ADCY9: variants seen among roughly 807,000 people sequenced by gnomAD.
ADCY9 encodes adenylate cyclase 9.
A neutral mutation model predicts 101.5 loss-of-function variants in ADCY9; 50 were observed. The observed-to-expected ratio is 0.49, with a 90% CI of 0.39 to 0.62. The LOEUF is 0.62. Among genes scored for constraint, ADCY9 ranks in the 20% least tolerant of loss-of-function variants. ADCY9 has a pLI of 0.00. For missense variants in ADCY9, 1,662 were observed against 1,800.4 expected, an observed-to-expected ratio of 0.92 and a Z score of 1.39; for synonymous variants, 905 against 769.3, an observed-to-expected ratio of 1.18 and a Z score of -2.92.
chr16:4,018,749 C>T (rs1313947347), intron 2 of ADCY9, among the ~76,000 whole-genome samples: 1 of 152,134 alleles, frequency 6.6e-6, no homozygotes, highest in Non-Finnish European at 1.5e-5. Flanking sequence ...CAGAGGCTGA[C>T]AGTTTCCCAG....
chr16:3,980,281 A>T (rs76723104), intron 7 of ADCY9, among the ~76,000 whole-genome samples: 50,235 of 152,088 alleles, frequency 0.33, 9,466 homozygotes, highest in Middle Eastern at 0.49. Flanking sequence ...ATGTTGACAC[A>T]ATAAAAGTTT....
chr16:4,046,724 C>T (rs1338122666), intron 2 of ADCY9, among the ~76,000 whole-genome samples: 5 of 152,134 alleles, frequency 3.3e-5, no homozygotes, highest in African/African-American at 1.2e-4. Context: ...TTTCCACAGA[C>T]CTCACATATC....
intron 2 of ADCY9, among the ~76,000 whole-genome samples, chr16:4,020,496 C>T (rs143312669): frequency 0.017 from 2,560 of 152,136 alleles, 40 homozygotes; most frequent in Non-Finnish European, 0.028. Flanking sequence ...AGGGAGAGTA[C>T]CCTGTATATT....
intron 4 of ADCY9, 166 bp downstream of exon 4, chr16:3,993,240 G>A (rs7202049): frequency 0.062 from 79,736 of 1,278,630 alleles, 3,101 homozygotes; most frequent in East Asian, 0.19. Flanking sequence ...ACCCTCCCTC[G>A]AGCTCCCTGC....
chr16:3,997,076 G>C (rs1243223815), intron 3 of ADCY9, among the ~76,000 whole-genome samples: 1 of 152,092 alleles, frequency 6.6e-6, no homozygotes, highest in African/African-American at 2.4e-5. Flanking sequence ...CGTTGGTCAG[G>C]CTGGTCTCGA....
At chr16:4,096,743 T>C (rs1219206032) in intron 2 of ADCY9, among the ~76,000 whole-genome samples, 3 of 152,244 alleles carry the variant, frequency 2.0e-5, no homozygotes, top group Non-Finnish European at 4.4e-5. Flanking sequence ...TTGCATTTAA[T>C]ATCCATACAC....
intron 2 of ADCY9, among the ~76,000 whole-genome samples, chr16:4,034,436 G>A (rs1233348243): frequency 6.6e-6 from 1 of 152,032 alleles, no homozygotes; most frequent in African/African-American, 2.4e-5. Flanking sequence ...TTGAGACAAG[G>A]TCTCACTCTG....
At chr16:3,988,169 T>C (rs1367468580) in intron 6 of ADCY9, among the ~76,000 whole-genome samples, 1 of 151,542 alleles carries the variant, frequency 6.6e-6, no homozygotes, top group Non-Finnish European at 1.5e-5. Context: ...AGGAAGTGTA[T>C]GAAGGGAAGT....
intron 2 of ADCY9, among the ~76,000 whole-genome samples, chr16:4,111,816 GT>G (rs1432257739): frequency 7.0e-6 from 1 of 143,426 alleles, no homozygotes; most frequent in African/African-American, 2.5e-5. Flanking sequence ...ACTATTTGAG[GT>G]TTAAAAAAAA....
At chr16:4,056,838 A>G (rs1177919989) in intron 2 of ADCY9, among the ~76,000 whole-genome samples, 1 of 152,132 alleles carries the variant, frequency 6.6e-6, no homozygotes, top group African/African-American at 2.4e-5. Context: ...TCTCTGGTTG[A>G]CAAGGCGGCC....
intron 2 of ADCY9, among the ~76,000 whole-genome samples, chr16:4,089,912 AC>A (rs1026025913): frequency 1.3e-5 from 2 of 151,808 alleles, no homozygotes; most frequent in African/African-American, 4.8e-5. Context: ...GGAAAAGCCA[AC>A]CCCCCTTAAT....
chr16:4,011,301 G>A (rs1409024497), intron 2 of ADCY9, among the ~76,000 whole-genome samples: 1 of 152,190 alleles, frequency 6.6e-6, no homozygotes, highest in African/African-American at 2.4e-5. Context: ...GGAATGGCCA[G>A]GGCTGAGCCA....
At chr16:4,104,340 AT>A (rs1190624220) in intron 2 of ADCY9, among the ~76,000 whole-genome samples, 4 of 152,234 alleles carry the variant, frequency 2.6e-5, no homozygotes, top group Non-Finnish European at 5.9e-5. Flanking sequence ...GCATGACGTT[AT>A]AAAATCACAC....
In ADCY9 at chr16:3,964,944, G is replaced by A. The variant is rs2055974703; in HGVS notation, c.*831C>T. The A allele has an allele frequency of 6.6e-6, 1 of 152,252 alleles. No individual in the cohort carries two copies. The highest frequency in any genetic ancestry group is 6.5e-5 in the Admixed American group (1 of 15,286). The allele number at this position is 152,252 out of a possible 1,614,324, so 9.4% of individuals were successfully genotyped here. ...TATTTGGTATTTCCCTCTCCGATGA[G>A]TCAGCTTCCAGGACCAACACCTCCA... On this transcript the variant is annotated 3_prime_UTR_variant, in exon 11 of 11. Transcript: ENST00000294016.
At chr16:3,961,677 C>T (rs1016258643), downstream of ADCY9, among the ~76,000 whole-genome samples, 1 of 152,120 alleles carries the variant, frequency 6.6e-6, no homozygotes. Flanking sequence ...ATGAATTCAG[C>T]TCCCTTTGTG....
At chr16:4,065,039 C>A (rs2056792861) in intron 2 of ADCY9, among the ~76,000 whole-genome samples, 1 of 152,272 alleles carries the variant, frequency 6.6e-6, no homozygotes, top group South Asian at 2.1e-4. Flanking sequence ...TGCAGCCATG[C>A]CTGTAGTACG....
At chr16:3,995,603 A>ATT (rs34724133) in intron 3 of ADCY9, among the ~76,000 whole-genome samples, 3 of 146,410 alleles carry the variant, frequency 2.0e-5, no homozygotes, top group African/African-American at 5.0e-5. Flanking sequence ...CAAGAAATAT[A>ATT]TTTTTTTTTT....
intron 2 of ADCY9, among the ~76,000 whole-genome samples, chr16:4,034,739 T>C (rs1234044955): frequency 6.6e-6 from 1 of 152,142 alleles, no homozygotes; most frequent in Non-Finnish European, 1.5e-5. Flanking sequence ...TTACATTCTA[T>C]CTGAGTGGTT....
intron 2 of ADCY9, among the ~76,000 whole-genome samples, chr16:4,038,680 T>C (rs1392288030): frequency 6.6e-6 from 1 of 151,918 alleles, no homozygotes; most frequent in Non-Finnish European, 1.5e-5. Flanking sequence ...TTGGGTCTCA[T>C]CCTCACAACC....
Sources: allele counts gnomAD v4.1 joint callset (sites outside exome capture counted in the v4.1 genomes callset), GRCh38; gene constraint gnomAD v4.1.1; transcripts MANE v1.5; gene names NCBI Gene and HGNC (gene_info 2026-07-23, HGNC 2026-07-21).